DMD: variants seen among roughly 807,000 people sequenced by gnomAD.
DMD encodes the protein mutant dystrophin.
DMD carries 63 observed loss-of-function variants against 330.1 expected under a neutral mutation model. That is an observed-to-expected ratio of 0.19 (90% confidence interval 0.16 to 0.24). The LOEUF (loss-of-function observed/expected upper bound fraction) is 0.24. DMD is among the 10% of genes least tolerant of loss of function. The pLI is 1.00. For synonymous variants in DMD, 1,223 were observed against 959.8 expected (o/e 1.27, Z -5.07); for missense variants, 3,344 against 2,684.1 (o/e 1.25, Z -5.43).
chrX:32,721,866 A>G, intron 7 of DMD, among the ~76,000 whole-genome samples: 1 of 108,871 alleles, frequency 9.2e-6, no homozygotes, highest in Admixed American at 1.0e-4. Context: ...ATTTTTGTGT[A>G]CAGTATAAGA....
At chrX:31,390,811 T>C (rs981654259) in intron 60 of DMD, among the ~76,000 whole-genome samples, 2 of 111,910 alleles carry the variant, frequency 1.8e-5, no homozygotes, top group Non-Finnish European at 1.9e-5. Flanking sequence ...TCAGATTGTA[T>C]GATGTTTTGC....
chrX:31,574,221 G>A (rs1259818229), intron 55 of DMD, among the ~76,000 whole-genome samples: 1 of 95,484 alleles, frequency 1.0e-5, no homozygotes, highest in African/African-American at 4.0e-5. Flanking sequence ...TCGGCTCACC[G>A]CAAGCTCCAC....
At chrX:31,234,965 C>T (rs936179649) in intron 63 of DMD, among the ~76,000 whole-genome samples, 1 of 101,651 alleles carries the variant, frequency 9.8e-6, no homozygotes, top group African/African-American at 3.9e-5. Context: ...TAACAGGAAC[C>T]TTGCTGAAGA....
chrX:31,137,922 T>C (rs1371426860), intron 76 of DMD, among the ~76,000 whole-genome samples: 4 of 111,172 alleles, frequency 3.6e-5, no homozygotes, highest in Admixed American at 9.5e-5. Context: ...GACAGAAGGA[T>C]TGGCAAATGC....
At chrX:32,183,967 T>C (rs902564268) in intron 44 of DMD, among the ~76,000 whole-genome samples, 1 of 110,688 alleles carries the variant, frequency 9.0e-6, no homozygotes, top group African/African-American at 3.3e-5. Flanking sequence ...CTAAAAAGAC[T>C]CTTGAAAAAT....
chrX:31,830,719 A>G (rs2093006597), intron 49 of DMD, among the ~76,000 whole-genome samples: 1 of 112,151 alleles, frequency 8.9e-6, no homozygotes, highest in Admixed American at 9.4e-5. Flanking sequence ...AACGTGAAAA[A>G]TAGCTCTGCT....
intron 11 of DMD, among the ~76,000 whole-genome samples, chrX:32,628,426 C>A (rs1011722315): frequency 9.4e-6 from 1 of 106,629 alleles, no homozygotes; most frequent in Non-Finnish European, 1.9e-5. Flanking sequence ...CTTAGTCAAG[C>A]TTAAGACTTG....
intron 67 of DMD, among the ~76,000 whole-genome samples, chrX:31,197,131 A>C (rs1258137809): frequency 2.7e-5 from 3 of 111,669 alleles, no homozygotes; most frequent in Non-Finnish European, 5.6e-5. Flanking sequence ...TGGTTCATTT[A>C]ATCCTCACAA....
intron 61 of DMD, among the ~76,000 whole-genome samples, chrX:31,330,386 C>A (rs2057053241): frequency 9.0e-6 from 1 of 111,639 alleles, no homozygotes; most frequent in African/African-American, 3.3e-5. Context: ...ATAAGCAATT[C>A]TTGAGCCTGA....
At chrX:31,509,076 G>C in intron 55 of DMD, among the ~76,000 whole-genome samples, 1 of 111,211 alleles carries the variant, frequency 9.0e-6, no homozygotes. Flanking sequence ...ATCAGAAGTT[G>C]AAAGAAGGGA....
chrX:32,879,213 AAAG>A (rs199532598), intron 2 of DMD, among the ~76,000 whole-genome samples: 1,916 of 111,217 alleles, frequency 0.017, 46 homozygotes, highest in African/African-American at 0.06. Context: ...AAAAATTTGA[AAAG>A]AAGGGCATTC....
chrX:32,398,935 C>G (rs1171134113), intron 30 of DMD, among the ~76,000 whole-genome samples: 1 of 111,414 alleles, frequency 9.0e-6, no homozygotes, highest in Non-Finnish European at 1.9e-5. Flanking sequence ...AGAGATAAAT[C>G]CATACATCTA....
At chrX:32,874,184 C>G (rs990097740) in intron 2 of DMD, among the ~76,000 whole-genome samples, 8 of 112,137 alleles carry the variant, frequency 7.1e-5, no homozygotes, top group African/African-American at 1.9e-4. Flanking sequence ...CACAAAAGAA[C>G]AGATAAGCTT....
chrX:31,644,063 G>A lies in DMD; in HGVS notation c.8027+13927C>T, dbSNP rs190913908. Reference sequence around the variant, plus strand: ...TCTGATTCTGACTTGTACTTTCAAAGTTAGAATAATAAAGCTCTGCCAGGT... The same window carrying A: ...TCTGATTCTGACTTGTACTTTCAAAATTAGAATAATAAAGCTCTGCCAGGT... On this transcript the variant is annotated intron_variant, in intron 54 of 78. Coordinates refer to ENST00000357033, the MANE Select transcript of DMD (RefSeq NM_004006.3). Among the ~76,000 whole-genome samples, 610 of 111,583 alleles carry A rather than the reference G, an allele frequency of 5.5e-3. 3 individuals carry two copies. Among genetic ancestry groups the A allele is most frequent in the Middle Eastern group, 9.2e-3 (2 of 217 alleles).
intron 1 of DMD, among the ~76,000 whole-genome samples, chrX:33,240,683 G>A (rs2052572974): frequency 9.0e-6 from 1 of 111,551 alleles, no homozygotes; most frequent in African/African-American, 3.3e-5. Context: ...TCCCACCAAC[G>A]GTGTGCAAGG....
At chrX:32,975,709 A>G (rs901438102) in intron 2 of DMD, among the ~76,000 whole-genome samples, 4 of 110,318 alleles carry the variant, frequency 3.6e-5, no homozygotes, top group African/African-American at 6.6e-5. Flanking sequence ...CTGAAATGTA[A>G]GACTTGAGGC....
chrX:33,116,452 T>C (rs1036968869), intron 1 of DMD, among the ~76,000 whole-genome samples: 1 of 110,359 alleles, frequency 9.1e-6, no homozygotes, highest in Admixed American at 9.7e-5. Context: ...AAGGGTTCAG[T>C]CAGCCATGAT....
chrX:31,206,617 G>T lies in DMD; in HGVS notation c.9614C>A (p.Ser3205Tyr), dbSNP rs1602695957. Residue 3205 changes from serine to tyrosine, a missense_variant, in exon 66 of 79, where the codon TCC becomes TAC. Coordinates refer to ENST00000357033, the MANE Select transcript of DMD (RefSeq NM_004006.3). Reference sequence around the variant, plus strand: ...GTCTTCCAAATGTGCTTTACACAGGGAAATGATGCCAGTTTTAAAAGACAG... The same window carrying T: ...GTCTTCCAAATGTGCTTTACACAGGTAAATGATGCCAGTTTTAAAAGACAG... ...RVLSFKTGIISLCKAHLEDKY... is the reference protein window; with the variant it reads ...RVLSFKTGIIYLCKAHLEDKY... 8.3e-7 allele frequency: 1 copy of T among 1,209,302 alleles called. No individual in the cohort carries two copies. Among genetic ancestry groups the T allele is most frequent in the East Asian group, 3.0e-5 (1 of 33,751 alleles).
At chrX:33,046,294 A>G (rs2094380836) in intron 1 of DMD, among the ~76,000 whole-genome samples, 1 of 111,848 alleles carries the variant, frequency 8.9e-6, no homozygotes, top group South Asian at 3.7e-4. Flanking sequence ...ATTTAGCTAT[A>G]GAAAAATTAA....
Sources: allele counts gnomAD v4.1 joint callset (sites outside exome capture counted in the v4.1 genomes callset), GRCh38; gene constraint gnomAD v4.1.1; transcripts MANE v1.5; gene names NCBI Gene and HGNC (gene_info 2026-07-23, HGNC 2026-07-21).